The following SFXN5 variants were observed in gnomAD, a reference collection of about 807,000 sequenced individuals.
SFXN5 encodes the protein sideroflexin-5.
In SFXN5, 43 loss-of-function variants were observed where a neutral mutation model predicts 50.2. That is an observed-to-expected ratio of 0.86 (90% CI 0.67 to 1.11). The LOEUF (loss-of-function observed/expected upper bound fraction) is 1.11. Among genes scored for constraint, SFXN5 ranks in the 50% least tolerant of loss-of-function variants. SFXN5 has a pLI of 0.00. For synonymous variants in SFXN5, 203 were observed against 185.8 expected, an observed-to-expected ratio of 1.09 and a Z score of -0.75; for missense variants, 463 against 454.1, an observed-to-expected ratio of 1.02 and a Z score of -0.18.
At chr2:73,058,443 C>A in intron 2 of SFXN5, 85 bp downstream of exon 2, 1 of 1,326,230 alleles carries the variant, frequency 7.5e-7, no homozygotes, top group Non-Finnish European at 1.1e-6. Context: ...ACTCCCCCAT[C>A]CTCACCCTCC....
intron 2 of SFXN5, among the ~76,000 whole-genome samples, chr2:73,054,219 T>C (rs1232604552): frequency 6.6e-6 from 1 of 151,990 alleles, no homozygotes; most frequent in African/African-American, 2.4e-5. Context: ...TGGGGTACAG[T>C]GGGGAGGAGA....
At chr2:73,056,629 G>A (rs912849249) in intron 2 of SFXN5, among the ~76,000 whole-genome samples, 4 of 150,862 alleles carry the variant, frequency 2.7e-5, no homozygotes, top group African/African-American at 9.8e-5. Flanking sequence ...AGGTTGCGGT[G>A]AGCTGGGATC....
intron 9 of SFXN5, among the ~76,000 whole-genome samples, chr2:72,996,339 A>G (rs1673229682): frequency 6.6e-6 from 1 of 152,132 alleles, no homozygotes; most frequent in South Asian, 2.1e-4. Context: ...GGAACCCCAG[A>G]GGGCTCCAAG....
chr2:73,064,302 C>A (rs865842131), intron 1 of SFXN5, among the ~76,000 whole-genome samples: 1 of 152,262 alleles, frequency 6.6e-6, no homozygotes, highest in African/African-American at 2.4e-5. Flanking sequence ...AGTCCTGAAT[C>A]AGCTGCACCC....
At chr2:73,039,581 AG>A (rs1679359415) in intron 3 of SFXN5, among the ~76,000 whole-genome samples, 1 of 152,188 alleles carries the variant, frequency 6.6e-6, no homozygotes, top group African/African-American at 2.4e-5. Context: ...GGATGATAAG[AG>A]AGCTGAATCC....
chr2:72,977,872 G>T (rs1337739348), intron 10 of SFXN5, among the ~76,000 whole-genome samples: 1 of 151,738 alleles, frequency 6.6e-6, no homozygotes, highest in Non-Finnish European at 1.5e-5. Context: ...TACTCAGGAG[G>T]CTGAGGCAAG....
At chr2:73,036,886 AAG>A (rs1007891684) in intron 3 of SFXN5, among the ~76,000 whole-genome samples, 8 of 152,162 alleles carry the variant, frequency 5.3e-5, no homozygotes, top group African/African-American at 1.9e-4. Flanking sequence ...TTGCTCAGGG[AAG>A]AGGAGATCGC....
chr2:72,958,874 C>T (rs918886813), intron 13 of SFXN5, among the ~76,000 whole-genome samples: 4 of 152,118 alleles, frequency 2.6e-5, no homozygotes, highest in African/African-American at 7.2e-5. Flanking sequence ...TCTTGGTGTG[C>T]GTTGAATGGT....
At chr2:73,017,194 T>C (rs1676271524) in intron 6 of SFXN5, among the ~76,000 whole-genome samples, 1 of 152,186 alleles carries the variant, frequency 6.6e-6, no homozygotes, top group South Asian at 2.1e-4. Flanking sequence ...GATATTTGTA[T>C]CTGTTTATTC....
intron 12 of SFXN5, among the ~76,000 whole-genome samples, chr2:72,963,796 C>T (rs968847154): frequency 2.0e-5 from 3 of 152,174 alleles, no homozygotes; most frequent in African/African-American, 7.2e-5. Context: ...CCTCCTGATC[C>T]AGCACAGGAA....
chr2:73,045,357 T>C (rs898852552), intron 2 of SFXN5, among the ~76,000 whole-genome samples: 1 of 152,174 alleles, frequency 6.6e-6, no homozygotes, highest in Non-Finnish European at 1.5e-5. Flanking sequence ...TGATGGCCTC[T>C]GAGGCAGTGC....
At chr2:72,991,609 G>A (rs1015377927) in intron 9 of SFXN5, among the ~76,000 whole-genome samples, 2 of 152,202 alleles carry the variant, frequency 1.3e-5, no homozygotes, top group Non-Finnish European at 2.9e-5. Context: ...GGACAGCCAC[G>A]GCCTGAGAAG....
Position 73,058,600 on chromosome 2 carries a change from A to G in SFXN5, c.103-4T>C. The G allele has an allele frequency of 1.2e-6, 2 of 1,613,966 alleles. No individual in the cohort carries two copies. Among genetic ancestry groups the G allele is most frequent in the South Asian group, 2.2e-5 (2 of 91,082 alleles). On this transcript the variant is annotated splice_region_variant and splice_polypyrimidine_tract_variant and intron_variant, in intron 1 of 13. Coordinates refer to ENST00000272433, the MANE Select transcript of SFXN5 (RefSeq NM_144579.3). ...TGAAGCGGCCATAGAAGGACGTCTG[A>G]AGAAGAGGATGAGAGAGAAGAGTGA...
intron 2 of SFXN5, among the ~76,000 whole-genome samples, chr2:73,050,104 C>T (rs1358235913): frequency 1.3e-5 from 2 of 152,148 alleles, no homozygotes; most frequent in Admixed American, 6.5e-5. Context: ...GGAGTTAGGC[C>T]CCCAAGGCCT....
intron 1 of SFXN5, among the ~76,000 whole-genome samples, chr2:73,060,439 G>T (rs1351921980): frequency 6.6e-6 from 1 of 152,034 alleles, no homozygotes; most frequent in African/African-American, 2.4e-5. Flanking sequence ...AATTGGTTTT[G>T]TTCATCAAAT....
chr2:72,988,399 G>A, intron 9 of SFXN5, 51 bp from the exon 10 acceptor site: 1 of 1,511,572 alleles, frequency 6.6e-7, no homozygotes, highest in Non-Finnish European at 9.1e-7. Context: ...TGCTGCAGTG[G>A]CTTGTGGGAG....
rs1379126444 is a variant in SFXN5, at chr2:72,961,005, T to A, written c.945+126A>T. On this transcript the variant is annotated intron_variant, in intron 13 of 13. Transcript: ENST00000272433. This position sits in a 1 kb window ranked among gnomAD's most constrained non-coding sequence, Gnocchi z 4.4. ...CTGAGGGCCAGAGCCTGGGCCAGCC[T>A]CATTCACGGTTCCAGCCCCAGCGCC... is the stretch of plus-strand genomic sequence containing the variant. The A allele has an allele frequency of 6.7e-6, 4 of 599,650 alleles. No individual in the cohort carries two copies. The highest frequency in any genetic ancestry group is 5.3e-6 in the Non-Finnish European group (2 of 377,772). The allele number at this position is 599,650 out of a possible 1,614,324, so 37.1% of individuals were successfully genotyped here. A position where few individuals can be genotyped will look rare whatever the true frequency, so the allele number is the denominator to read the frequency against.
In SFXN5 at chr2:72,961,809, G is replaced by T. The variant is rs1374205529; in HGVS notation, c.828-561C>A. ...GCCACCTTGTCAATTTCAACCCAAG[G>T]GCAACAGAGGGTGCAATGACTCGTC... On this transcript the variant is annotated intron_variant, in intron 12 of 13. Coordinates refer to ENST00000272433, the MANE Select transcript of SFXN5 (RefSeq NM_144579.3). The surrounding 1 kb of genome is among the most constrained non-coding windows in gnomAD (Gnocchi z 4.4). Among the ~76,000 whole-genome samples, 1 of 152,156 alleles carries T rather than the reference G, an allele frequency of 6.6e-6. No individual in the cohort carries two copies. The highest frequency in any genetic ancestry group is 1.9e-4 in the East Asian group (1 of 5,186).
intron 6 of SFXN5, among the ~76,000 whole-genome samples, chr2:73,004,567 G>A (rs1298317321): frequency 2.6e-5 from 4 of 152,140 alleles, no homozygotes; most frequent in South Asian, 2.1e-4. Flanking sequence ...CCGAGGGGGC[G>A]CCGACACAGG....
Sources: allele counts gnomAD v4.1 joint callset (sites outside exome capture counted in the v4.1 genomes callset), GRCh38; gene constraint gnomAD v4.1.1; non-coding constraint Gnocchi (gnomAD v3.1); transcripts MANE v1.5; gene names NCBI Gene and HGNC (gene_info 2026-07-23, HGNC 2026-07-21).